Variants in LUZP2 observed in about 807,000 individuals in gnomAD.
LUZP2 encodes the protein leucine zipper protein 2.
A neutral mutation model predicts 51.6 loss-of-function variants in LUZP2; 52 were observed. That is an observed-to-expected ratio of 1.01 (90% CI 0.81 to 1.27). LUZP2 has a LOEUF of 1.27. Ranked by LOEUF, LUZP2 falls within the 50% of genes most tolerant of loss-of-function variation. The pLI is 0.00. For synonymous variants in LUZP2, 154 were observed against 137.3 expected (o/e 1.12, Z -0.85); for missense variants, 436 against 395.4 (o/e 1.10, Z -0.87).
intron 1 of LUZP2, among the ~76,000 whole-genome samples, chr11:24,515,516 C>T (rs1369247188): frequency 6.6e-6 from 1 of 152,094 alleles, no homozygotes; most frequent in Non-Finnish European, 1.5e-5. Flanking sequence ...AAAGAAAATA[C>T]ATCCTTCATA....
chr11:24,658,124 C>T (rs1224789168), intron 1 of LUZP2, among the ~76,000 whole-genome samples: 1 of 152,152 alleles, frequency 6.6e-6, no homozygotes, highest in East Asian at 1.9e-4. Flanking sequence ...CAAGTCAATC[C>T]TAAGCCAAAA....
chr11:24,951,774 T>G (rs1855087711), intron 7 of LUZP2, among the ~76,000 whole-genome samples: 1 of 151,630 alleles, frequency 6.6e-6, no homozygotes, highest in African/African-American at 2.4e-5. Context: ...CTTGCCATTC[T>G]AAATGTAATA....
intron 5 of LUZP2, among the ~76,000 whole-genome samples, chr11:24,894,825 A>G (rs149578508): frequency 0.023 from 3,550 of 152,308 alleles, 70 homozygotes; most frequent in Middle Eastern, 0.041. Flanking sequence ...AACTGGGGGC[A>G]ATTGAGAACG....
chr11:24,660,899 A>G (rs532111975), intron 1 of LUZP2, among the ~76,000 whole-genome samples: 7 of 152,152 alleles, frequency 4.6e-5, no homozygotes, highest in Non-Finnish European at 1.0e-4. Context: ...TTGCAAATTC[A>G]TATGTTTGGG....
chr11:24,900,880 T>C lies in LUZP2; in HGVS notation c.397-5111T>C, dbSNP rs566786027. Among the ~76,000 whole-genome samples the C allele has an allele frequency of 2.6e-5, 4 of 152,340 alleles. No homozygotes were observed. In the South Asian group the frequency reaches 8.3e-4, roughly 32 times the overall value. On this transcript the variant is annotated intron_variant, in intron 5 of 11. Coordinates refer to ENST00000336930, the MANE Select transcript of LUZP2 (RefSeq NM_001009909.4). ...TGCAAATCATTCTTTGCTCAAACTG[T>C]TAAATTTAATTTGTCTAAGATTTTC...
At chr11:24,916,448 TA>T (rs1853793443) in intron 7 of LUZP2, among the ~76,000 whole-genome samples, 1 of 152,134 alleles carries the variant, frequency 6.6e-6, no homozygotes, top group Admixed American at 6.6e-5. Context: ...ACTCATCATT[TA>T]CATTAGGTGT....
chr11:24,555,134 T>A (rs978720653), intron 1 of LUZP2, among the ~76,000 whole-genome samples: 2 of 152,258 alleles, frequency 1.3e-5, no homozygotes, highest in African/African-American at 4.8e-5. Flanking sequence ...TTAAACAGCT[T>A]ATTTCGAGAA....
chr11:25,025,620 G>A (rs535519918), intron 9 of LUZP2, among the ~76,000 whole-genome samples: 199 of 152,178 alleles, frequency 1.3e-3, no homozygotes, highest in African/African-American at 2.9e-3. Flanking sequence ...TTAGAATGGC[G>A]ATCATTAAAA....
intron 10 of LUZP2, among the ~76,000 whole-genome samples, chr11:25,056,603 T>G (rs1475196871): frequency 1.3e-5 from 2 of 152,250 alleles, no homozygotes; most frequent in Middle Eastern, 3.4e-3. Flanking sequence ...GACTTTGTAT[T>G]CAGATCCCTT....
rs1854129246 is a variant in LUZP2 at position 24,611,680 on chromosome 11, T to C, written c.62+114375T>C. On this transcript the variant is annotated intron_variant, in intron 1 of 11. Coordinates refer to ENST00000336930, the MANE Select transcript of LUZP2 (RefSeq NM_001009909.4). The surrounding 1 kb of genome is among the most constrained non-coding windows in gnomAD (Gnocchi z 4.6). ...ATCATCCCTGGCGTTTATTGAGCCC[T>C]CCTTCAACACATGTCCTGCATATTA... 6.6e-6 allele frequency among the ~76,000 whole-genome samples: 1 copy of C among 152,136 alleles called. No individual in the cohort carries two copies. The highest frequency in any genetic ancestry group is 2.4e-5 in the African/African-American group (1 of 41,442).
At chr11:24,823,562 T>C (rs1311696280) in intron 5 of LUZP2, among the ~76,000 whole-genome samples, 5 of 152,108 alleles carry the variant, frequency 3.3e-5, no homozygotes. Context: ...GAATGGATTA[T>C]GGAGGGGCAG....
At chr11:25,061,161 A>G (rs191611117) in intron 10 of LUZP2, among the ~76,000 whole-genome samples, 38 of 152,292 alleles carry the variant, frequency 2.5e-4, no homozygotes, top group African/African-American at 8.7e-4. Context: ...TTCCTGCCTT[A>G]CTGTGGGACT....
chr11:24,692,108 T>G (rs1485737175), intron 1 of LUZP2, among the ~76,000 whole-genome samples: 1 of 152,004 alleles, frequency 6.6e-6, no homozygotes, highest in Non-Finnish European at 1.5e-5. Context: ...TTTTCTATTC[T>G]TATTTCTTGA....
chr11:24,538,759 T>G (rs943092827), intron 1 of LUZP2, among the ~76,000 whole-genome samples: 1 of 151,734 alleles, frequency 6.6e-6, no homozygotes, highest in Non-Finnish European at 1.5e-5. Context: ...ATCACGTAAG[T>G]AAAATATTTC....
intron 5 of LUZP2, among the ~76,000 whole-genome samples, chr11:24,784,036 G>T (rs1849169868): frequency 6.6e-6 from 1 of 151,776 alleles, no homozygotes; most frequent in African/African-American, 2.4e-5. Context: ...TTCTTGCGTG[G>T]CTTCATTAAA....
At chr11:25,011,379 A>G (rs1028019112) in intron 9 of LUZP2, among the ~76,000 whole-genome samples, 4 of 152,124 alleles carry the variant, frequency 2.6e-5, no homozygotes, top group African/African-American at 9.7e-5. Context: ...ACACAAGAAC[A>G]TTTTTATGCT....
chr11:24,602,178 G>GTATATATGTACATATA (rs1853715518), intron 1 of LUZP2, among the ~76,000 whole-genome samples: 1 of 112,042 alleles, frequency 8.9e-6, no homozygotes, highest in African/African-American at 3.4e-5. Flanking sequence ...GTATATATAT[G>GTATATATGTACATATA]TGTATATATG....
chr11:25,042,745 G>A (rs1035398771), intron 9 of LUZP2, among the ~76,000 whole-genome samples: 4 of 152,098 alleles, frequency 2.6e-5, no homozygotes, highest in Admixed American at 2.6e-4. Context: ...GCTTGTGGCT[G>A]TCTATATCTG....
At chr11:24,933,354 G>T (rs145280233) in intron 7 of LUZP2, among the ~76,000 whole-genome samples, 1 of 152,022 alleles carries the variant, frequency 6.6e-6, no homozygotes, top group Non-Finnish European at 1.5e-5. Context: ...CACCATTTTC[G>T]CTGGAATCTC....
Sources: allele counts gnomAD v4.1 joint callset (sites outside exome capture counted in the v4.1 genomes callset), GRCh38; gene constraint gnomAD v4.1.1; non-coding constraint Gnocchi (gnomAD v3.1); transcripts MANE v1.5; gene names NCBI Gene and HGNC (gene_info 2026-07-23, HGNC 2026-07-21).